PTPRD: variants seen among roughly 807,000 people sequenced by gnomAD.
PTPRD encodes protein tyrosine phosphatase receptor type D.
In PTPRD, 34 loss-of-function variants were observed where a neutral mutation model predicts 214.5. That is an observed-to-expected ratio of 0.16 (90% CI 0.12 to 0.21). The LOEUF (loss-of-function observed/expected upper bound fraction) is 0.21. Among genes scored for constraint, PTPRD ranks in the 10% least tolerant of loss-of-function variants. The pLI is 1.00. For synonymous variants in PTPRD, 1,128 were observed against 845.7 expected (o/e 1.33, Z -5.79); for missense variants, 2,545 against 2,398.7 (o/e 1.06, Z -1.27).
chr9:10,451,586 T>G (rs1280472357), intron 2 of PTPRD, among the ~76,000 whole-genome samples: 2 of 151,602 alleles, frequency 1.3e-5, no homozygotes, highest in Non-Finnish European at 2.9e-5. Context: ...CTCGTAGTGT[T>G]GTTTCAAGGA....
At chr9:9,790,297 C>T (rs2098958325) in intron 5 of PTPRD, among the ~76,000 whole-genome samples, 1 of 151,954 alleles carries the variant, frequency 6.6e-6, no homozygotes, top group African/African-American at 2.4e-5. Flanking sequence ...AAATGTTTAT[C>T]CTCCTCATCA....
chr9:10,202,557 T>G (rs2099430348), intron 3 of PTPRD, among the ~76,000 whole-genome samples: 1 of 142,364 alleles, frequency 7.0e-6, no homozygotes, highest in South Asian at 2.1e-4. Context: ...GTGCATTTCT[T>G]CAAATTATCC....
intron 8 of PTPRD, among the ~76,000 whole-genome samples, chr9:9,405,161 A>T (rs1205898656): frequency 6.6e-6 from 1 of 152,126 alleles, no homozygotes; most frequent in Non-Finnish European, 1.5e-5. Context: ...TTTCTTCAGT[A>T]GGAATAAATA....
At chr9:8,716,030 C>G (rs892580564) in intron 12 of PTPRD, among the ~76,000 whole-genome samples, 1 of 152,240 alleles carries the variant, frequency 6.6e-6, no homozygotes, top group Non-Finnish European at 1.5e-5. Context: ...CTTAACAGGT[C>G]TGTGGCTTCA....
chr9:9,399,813 T>C (rs1266144218), intron 8 of PTPRD, among the ~76,000 whole-genome samples: 2 of 152,040 alleles, frequency 1.3e-5, no homozygotes, highest in Non-Finnish European at 2.9e-5. Context: ...TCCCCAGCCA[T>C]GTGGAACTGT....
At chr9:10,241,831 T>C (rs1419722736) in intron 3 of PTPRD, among the ~76,000 whole-genome samples, 1 of 151,904 alleles carries the variant, frequency 6.6e-6, no homozygotes, top group Non-Finnish European at 1.5e-5. Flanking sequence ...ATAGGGACAA[T>C]TTATTGTGTT....
chr9:9,522,348 A>T (rs1453754780), intron 8 of PTPRD, among the ~76,000 whole-genome samples: 1 of 152,148 alleles, frequency 6.6e-6, no homozygotes, highest in African/African-American at 2.4e-5. Context: ...ATGGAAGGGC[A>T]CATATGTTGT....
chr9:9,408,877 T>A (rs1002594253), intron 8 of PTPRD, among the ~76,000 whole-genome samples: 2 of 151,886 alleles, frequency 1.3e-5, no homozygotes, highest in African/African-American at 4.8e-5. Flanking sequence ...ATTATTTCCT[T>A]CTAAGTAATA....
At chr9:8,460,895 A>G (rs2096380096) in intron 32 of PTPRD, among the ~76,000 whole-genome samples, 1 of 152,086 alleles carries the variant, frequency 6.6e-6, no homozygotes, top group Non-Finnish European at 1.5e-5. Context: ...CCAGTAATTA[A>G]CCAGTTGCAA....
chr9:8,842,547 C>T (rs1022644849), intron 11 of PTPRD, among the ~76,000 whole-genome samples: 1 of 152,212 alleles, frequency 6.6e-6, no homozygotes, highest in East Asian at 1.9e-4. Flanking sequence ...TTATACTTAA[C>T]TCTCACCTAG....
At chr9:10,492,499 CATAA>C (rs2040642029) in intron 2 of PTPRD, among the ~76,000 whole-genome samples, 2 of 152,086 alleles carry the variant, frequency 1.3e-5, no homozygotes, top group Non-Finnish European at 2.9e-5. Context: ...TTATTGGCCA[CATAA>C]ATGTCTTTTT....
intron 8 of PTPRD, among the ~76,000 whole-genome samples, chr9:9,533,619 G>C (rs1172612980): frequency 6.6e-6 from 1 of 151,844 alleles, no homozygotes; most frequent in African/African-American, 2.4e-5. Context: ...TTACAAAAAT[G>C]GTATGCTTCA....
chr9:9,522,645 A>C (rs931670558), intron 8 of PTPRD, among the ~76,000 whole-genome samples: 1 of 152,154 alleles, frequency 6.6e-6, no homozygotes, highest in African/African-American at 2.4e-5. Flanking sequence ...CTGTTGGTGT[A>C]ATTTCCTGCA....
At chr9:8,329,300 G>T (rs531128515) in intron 44 of PTPRD, among the ~76,000 whole-genome samples, 13 of 152,234 alleles carry the variant, frequency 8.5e-5, no homozygotes, top group Middle Eastern at 3.4e-3. Flanking sequence ...AGGTTTGCTG[G>T]AGGTCTATTC....
rs193085164 is a variant in PTPRD, at chr9:8,658,794, T to C, written c.65-21950A>G. Among the ~76,000 whole-genome samples, 322 of 152,238 alleles carry C rather than the reference T, an allele frequency of 2.1e-3. 7 individuals carry two copies. The highest frequency in any genetic ancestry group is 4.1e-4 in the Non-Finnish European group (28 of 68,006). On this transcript the variant is annotated intron_variant, in intron 12 of 45. Transcript: ENST00000381196. The stretch of plus-strand genomic sequence containing the variant: ...GAGGCGGTATCTATTTCTACCATTG[T>C]AGAGTATTTCCTTCAAGAAGGCTGG...
intron 3 of PTPRD, among the ~76,000 whole-genome samples, chr9:10,231,861 G>A (rs2099611252): frequency 6.6e-6 from 1 of 151,784 alleles, no homozygotes; most frequent in African/African-American, 2.4e-5. Flanking sequence ...GCACCCTGTA[G>A]AGGTGGATCT....
intron 33 of PTPRD, among the ~76,000 whole-genome samples, chr9:8,457,432 G>T (rs2096248963): frequency 6.6e-6 from 1 of 151,720 alleles, no homozygotes; most frequent in Non-Finnish European, 1.5e-5. Flanking sequence ...GGTATTTTAG[G>T]GATCTTACCA....
chr9:8,476,868 T>A (rs1397700663), intron 30 of PTPRD, among the ~76,000 whole-genome samples: 3 of 152,110 alleles, frequency 2.0e-5, no homozygotes, highest in Non-Finnish European at 4.4e-5. Flanking sequence ...AATTTTCAAC[T>A]CTCAGTCTCA....
chr9:9,102,160 T>C (rs1214328622), intron 10 of PTPRD, among the ~76,000 whole-genome samples: 1 of 152,214 alleles, frequency 6.6e-6, no homozygotes, highest in African/African-American at 2.4e-5. Context: ...TTTTATTTCA[T>C]ATGTTTTATA....
Sources: gnomAD v4.1 joint callset for allele counts (sites outside exome capture counted in the v4.1 genomes callset) on GRCh38, gnomAD v4.1.1 for gene constraint, MANE v1.5 for transcripts, NCBI Gene and HGNC (gene_info 2026-07-23, HGNC 2026-07-21) for gene names.